The following CFAP58 variants were observed in gnomAD, a reference collection of about 807,000 sequenced individuals.
CFAP58 encodes cilia and flagella associated protein 58.
A neutral mutation model predicts 119.5 loss-of-function variants in CFAP58; 88 were observed. That is an observed-to-expected ratio of 0.74 (90% CI 0.62 to 0.88). The LOEUF (loss-of-function observed/expected upper bound fraction) is 0.88. CFAP58 is among the 40% of genes least tolerant of loss of function. CFAP58 has a pLI of 0.00. For missense variants in CFAP58, 990 were observed against 1,021.2 expected (o/e 0.97, Z 0.42); for synonymous variants, 365 against 366.3 (o/e 1.00, Z 0.04).
chr10:104,353,737 G>C (rs1304030387), upstream of CFAP58: 6 of 677,268 alleles, frequency 8.9e-6, no homozygotes, highest in Admixed American at 1.6e-4. Flanking sequence ...CCTAGAGGGC[G>C]TGTCCGTTGC....
At chr10:104,425,179 T>A (rs2012723279) in intron 15 of CFAP58, among the ~76,000 whole-genome samples, 1 of 152,060 alleles carries the variant, frequency 6.6e-6, no homozygotes, top group Non-Finnish European at 1.5e-5. Flanking sequence ...GTGGTGGTGT[T>A]GGTGTAGAAA....
At chr10:104,434,967 C>T (rs1334715020) in intron 15 of CFAP58, among the ~76,000 whole-genome samples, 1 of 152,164 alleles carries the variant, frequency 6.6e-6, no homozygotes, top group African/African-American at 2.4e-5. Flanking sequence ...AAGATACTTA[C>T]TGATTTATAG....
intron 13 of CFAP58, 118 bp downstream of exon 13, chr10:104,401,021 G>T: frequency 1.5e-6 from 1 of 686,992 alleles, no homozygotes; most frequent in Non-Finnish European, 2.5e-6. Flanking sequence ...ACAAAATGAA[G>T]TTTACAGGAT....
chr10:104,371,800 G>A (rs1380808870), intron 7 of CFAP58, among the ~76,000 whole-genome samples: 1 of 152,138 alleles, frequency 6.6e-6, no homozygotes, highest in Non-Finnish European at 1.5e-5. Context: ...CAGTATACTT[G>A]TCAAATTTGG....
chr10:104,379,099 G>A (rs186206319), intron 8 of CFAP58, among the ~76,000 whole-genome samples: 10 of 152,140 alleles, frequency 6.6e-5, no homozygotes, highest in Admixed American at 5.9e-4. Context: ...TTGGGCAACC[G>A]TCACCACAAT....
chr10:104,349,459 A>G (rs749043085), upstream of CFAP58, among the ~76,000 whole-genome samples: 4 of 152,038 alleles, frequency 2.6e-5, no homozygotes, highest in Non-Finnish European at 4.4e-5. Context: ...TGTGTGACCA[A>G]TTTTCCTCTT....
rs1589907376 is a variant in CFAP58, at chr10:104,358,723, A to T, written c.291+101A>T. The T allele has an allele frequency of 2.8e-6, 3 of 1,053,530 alleles. No homozygotes were observed. The East Asian group carries it at 7.6e-5, about 27-fold the overall frequency. 65.3% of individuals were successfully genotyped at this position (1,053,530 alleles called of 1,614,324 possible). A position where few individuals can be genotyped will look rare whatever the true frequency, so the allele number is the denominator to read the frequency against. On this transcript the variant is annotated intron_variant, in intron 2 of 17. Transcript: ENST00000369704. Reference sequence around the variant, plus strand: ...GGTAGTAAATGAGTTATTAGGTAAAAATTTACATGATTTTATATTCATTAA... The same window carrying T: ...GGTAGTAAATGAGTTATTAGGTAAATATTTACATGATTTTATATTCATTAA...
At chr10:104,448,333 C>T (rs1461357059) in intron 16 of CFAP58, among the ~76,000 whole-genome samples, 1 of 152,352 alleles carries the variant, frequency 6.6e-6, no homozygotes, top group East Asian at 1.9e-4. Context: ...GAAATAAAAT[C>T]AGGCAAGATT....
chr10:104,344,250 A>G, the CFAP58 span, among the ~76,000 whole-genome samples: 7 of 152,372 alleles, frequency 4.6e-5, no homozygotes, highest in Non-Finnish European at 1.0e-4. Context: ...TGCCTTTGAC[A>G]CAGATCATTA....
At chr10:104,342,690 C>T in the CFAP58 span, among the ~76,000 whole-genome samples, 7 of 132,318 alleles carry the variant, frequency 5.3e-5, no homozygotes, top group African/African-American at 2.0e-4. Flanking sequence ...AAAAAAAATA[C>T]AAAAATTAGC....
At chr10:104,389,355 C>G (rs542861368) in intron 9 of CFAP58, among the ~76,000 whole-genome samples, 1 of 152,248 alleles carries the variant, frequency 6.6e-6, no homozygotes, top group East Asian at 1.9e-4. Context: ...ACAGACCATG[C>G]TAGTTGGATG....
At chr10:104,393,704 C>G (rs2012098824) in intron 11 of CFAP58, among the ~76,000 whole-genome samples, 2 of 152,184 alleles carry the variant, frequency 1.3e-5, no homozygotes, top group South Asian at 4.1e-4. Flanking sequence ...GGGAAGGGAG[C>G]AGTGGAGATG....
At chr10:104,359,811 A>G (rs2014642797) in intron 2 of CFAP58, among the ~76,000 whole-genome samples, 1 of 152,244 alleles carries the variant, frequency 6.6e-6, no homozygotes, top group Non-Finnish European at 1.5e-5. Flanking sequence ...ACAAAACAAA[A>G]TAAAACAAAA....
rs1424351168 is a variant in CFAP58, at chr10:104,357,866, TAC to T, written c.10-471_10-470del. ...ATATGTACACATATATACACATATA[TAC>T]ACATATATGTACACATATATAAACA... On this transcript the variant is annotated intron_variant, in intron 1 of 17. Coordinates refer to ENST00000369704, the MANE Select transcript of CFAP58 (RefSeq NM_001008723.2). 9.7e-5 allele frequency among the ~76,000 whole-genome samples: 10 copies of T among 103,080 alleles called. No homozygotes were observed. In the South Asian group the frequency reaches 1.4e-3, roughly 15 times the overall value. 67.6% of individuals were successfully genotyped at this position (103,080 alleles called of 152,430 possible).
chr10:104,380,428 T>C (rs139081796), intron 9 of CFAP58, among the ~76,000 whole-genome samples: 4 of 152,284 alleles, frequency 2.6e-5, no homozygotes, highest in Non-Finnish European at 5.9e-5. Context: ...TTATGCTTGG[T>C]GCTCTCTCAT....
At chr10:104,404,341 C>A (rs910086463) in intron 14 of CFAP58, among the ~76,000 whole-genome samples, 1 of 152,172 alleles carries the variant, frequency 6.6e-6, no homozygotes, top group African/African-American at 2.4e-5. Context: ...GCTAAAGTCC[C>A]ATTGGTAGGG....
intron 8 of CFAP58, among the ~76,000 whole-genome samples, chr10:104,378,555 A>C (rs552443711): frequency 7.9e-5 from 12 of 152,324 alleles, no homozygotes; most frequent in African/African-American, 2.9e-4. Flanking sequence ...CTGGCCTGGC[A>C]TTCTTGGGAT....
chr10:104,342,519 G>A, the CFAP58 span, among the ~76,000 whole-genome samples: 124 of 152,144 alleles, frequency 8.2e-4, 1 homozygote, highest in African/African-American at 2.9e-3. Flanking sequence ...GCTAGATGAG[G>A]CTTCACATTC....
chr10:104,400,507 T>TA (rs2133042599), intron 12 of CFAP58, among the ~76,000 whole-genome samples, 173 bp from the exon 13 acceptor site: 1 of 152,296 alleles, frequency 6.6e-6, no homozygotes, highest in East Asian at 1.9e-4. Flanking sequence ...TCAAAAACTC[T>TA]AATGGGAGGG....
Sources: allele counts gnomAD v4.1 joint callset (sites outside exome capture counted in the v4.1 genomes callset), GRCh38; gene constraint gnomAD v4.1.1; transcripts MANE v1.5; gene names NCBI Gene and HGNC (gene_info 2026-07-23, HGNC 2026-07-21).